CWF19L2: variants seen among roughly 807,000 people sequenced by gnomAD.
CWF19L2 encodes the protein CWF19 like cell cycle control factor 2.
Under a neutral mutation model 111.7 loss-of-function variants are expected in CWF19L2, and 98 were observed. The ratio of observed to expected loss-of-function variants is 0.88; its 90% CI spans 0.75 to 1.04. CWF19L2 has a LOEUF of 1.04. Ranked by LOEUF, CWF19L2 falls within the 50% of genes least tolerant of loss-of-function variation. CWF19L2 has a pLI of 0.00. For synonymous variants in CWF19L2, 351 were observed against 342.9 expected, an observed-to-expected ratio of 1.02 and a Z score of -0.26; for missense variants, 1,101 against 1,051.4, an observed-to-expected ratio of 1.05 and a Z score of -0.65.
At chr11:107,356,112 G>C (rs143440132) in intron 12 of CWF19L2, among the ~76,000 whole-genome samples, 252 of 152,084 alleles carry the variant, frequency 1.7e-3, no homozygotes, top group Non-Finnish European at 2.6e-3. Context: ...CACATACCTG[G>C]TATTGTGCAC....
chr11:107,412,515 A>G (rs1861171668), intron 10 of CWF19L2, among the ~76,000 whole-genome samples: 1 of 152,038 alleles, frequency 6.6e-6, no homozygotes, highest in Non-Finnish European at 1.5e-5. Context: ...TAATTTTTGT[A>G]TTTTTAGTAG....
chr11:107,457,661 C>T, intron 1 of CWF19L2, 51 bp downstream of exon 1: 1 of 1,375,258 alleles, frequency 7.3e-7, no homozygotes, highest in Admixed American at 2.0e-5. Flanking sequence ...TTACGGGAAC[C>T]CTCAACTCCC....
chr11:107,430,943 T>C (rs1417626056), intron 7 of CWF19L2, among the ~76,000 whole-genome samples: 1 of 151,834 alleles, frequency 6.6e-6, no homozygotes, highest in Non-Finnish European at 1.5e-5. Flanking sequence ...CTAGTAATTA[T>C]TTCCCCATGC....
intron 12 of CWF19L2, among the ~76,000 whole-genome samples, chr11:107,365,576 C>T (rs1173953190): frequency 2.0e-5 from 2 of 100,558 alleles, no homozygotes; most frequent in East Asian, 5.4e-4. Flanking sequence ...ACAAAAACCA[C>T]ATGATTCTCT....
intron 6 of CWF19L2, among the ~76,000 whole-genome samples, chr11:107,434,805 C>T (rs902264139): frequency 6.6e-6 from 1 of 151,818 alleles, no homozygotes; most frequent in Non-Finnish European, 1.5e-5. Flanking sequence ...ATAATGGTTA[C>T]CCTTCTGGTG....
intron 5 of CWF19L2, among the ~76,000 whole-genome samples, chr11:107,440,577 A>G (rs1591206425): frequency 1.3e-5 from 2 of 152,308 alleles, no homozygotes; most frequent in South Asian, 4.1e-4. Flanking sequence ...AAATATACAC[A>G]TAAGATACTC....
chr11:107,349,087 T>C (rs776519893), intron 13 of CWF19L2, 34 bp from the exon 14 acceptor site: 6 of 1,105,640 alleles, frequency 5.4e-6, no homozygotes, highest in East Asian at 5.1e-5. Flanking sequence ...TGAAATGTTA[T>C]TGTTATTTAT....
At chr11:107,332,507 A>C (rs994546177) in intron 16 of CWF19L2, among the ~76,000 whole-genome samples, 1 of 151,828 alleles carries the variant, frequency 6.6e-6, no homozygotes, top group African/African-American at 2.4e-5. Flanking sequence ...AATGGATTAC[A>C]TATACGTGAA....
At chr11:107,361,193 C>T (rs1051901375) in intron 12 of CWF19L2, among the ~76,000 whole-genome samples, 2 of 152,208 alleles carry the variant, frequency 1.3e-5, no homozygotes, top group African/African-American at 4.8e-5. Context: ...TTTCCCAGCA[C>T]CATTTACTGA....
At chr11:107,348,353 T>A (rs1591154778) in intron 14 of CWF19L2, among the ~76,000 whole-genome samples, 1 of 152,282 alleles carries the variant, frequency 6.6e-6, no homozygotes, top group East Asian at 1.9e-4. Flanking sequence ...TTGAAATAAT[T>A]CAGCAACAAT....
chr11:107,361,904 C>T (rs112002780), intron 12 of CWF19L2, among the ~76,000 whole-genome samples: 2,670 of 152,268 alleles, frequency 0.018, 59 homozygotes, highest in African/African-American at 0.06. Context: ...GCATTTCCAT[C>T]TGAGGTACCG....
rs1318842966 is a variant in CWF19L2, at chr11:107,429,008, G to A, written c.1224C>T (p.Pro408=). The A allele has an allele frequency of 5.0e-6, 8 of 1,613,582 alleles. No homozygotes were observed. In the Admixed American group the frequency reaches 1.0e-4, roughly 20 times the overall value. The part of the protein sequence containing the change: ...QGSLCSGFRK[P]TKNSEERLTS... The stretch of plus-strand genomic sequence containing the variant: ...TTAATCTTTCTTCACTGTTCTTGGT[G>A]GGTTTTCTAAAACCACTACACAAAG... Residue 408 remains proline, a synonymous_variant, in exon 8 of 18, where the codon CCC becomes CCT. Transcript: ENST00000282251.
At chr11:107,428,758 C>T (rs753340080) in intron 8 of CWF19L2, 41 bp downstream of exon 8, 1 of 1,460,510 alleles carries the variant, frequency 6.8e-7, no homozygotes, top group South Asian at 1.3e-5. Flanking sequence ...TCTTTGAACT[C>T]TCTGGATCTT....
At chr11:107,417,782 A>T (rs953612800) in intron 9 of CWF19L2, among the ~76,000 whole-genome samples, 2 of 149,792 alleles carry the variant, frequency 1.3e-5, no homozygotes, top group African/African-American at 4.9e-5. Context: ...TTTGAGACAC[A>T]GTCTCGCTTC....
At chr11:107,355,734 A>G (rs534262397) in intron 12 of CWF19L2, among the ~76,000 whole-genome samples, 5 of 152,362 alleles carry the variant, frequency 3.3e-5, no homozygotes, top group South Asian at 2.1e-4. Context: ...TTCAAAATGC[A>G]TAACAAAAAA....
intron 14 of CWF19L2, among the ~76,000 whole-genome samples, chr11:107,338,827 A>G (rs1044798558): frequency 1.3e-5 from 2 of 152,128 alleles, no homozygotes; most frequent in Admixed American, 1.3e-4. Context: ...ATTGATGGGC[A>G]TTTAGGTTGA....
At position 107,402,881 on chromosome 11, in the gene CWF19L2, A is replaced by G. The variant is rs1211275897; in HGVS notation, c.1618-9986T>C. 1.5e-3 allele frequency among the ~76,000 whole-genome samples: 87 copies of G among 58,882 alleles called. 2 individuals carry two copies. The highest frequency in any genetic ancestry group is 8.7e-3 in the East Asian group (20 of 2,302). 38.6% of individuals were successfully genotyped at this position (58,882 alleles called of 152,430 possible). A position where few individuals can be genotyped will look rare whatever the true frequency, so the allele number is the denominator to read the frequency against. ...TAAACAAACTGTGGTGTGTATATAT[A>G]TATATATATATATATATATATAATG... On this transcript the variant is annotated intron_variant, in intron 10 of 17. Transcript: ENST00000282251.
At chr11:107,445,757 G>A (rs943654035) in intron 3 of CWF19L2, among the ~76,000 whole-genome samples, 1 of 151,936 alleles carries the variant, frequency 6.6e-6, no homozygotes, top group Non-Finnish European at 1.5e-5. Context: ...GTAATATAAA[G>A]GGAACATCTG....
At chr11:107,413,232 T>C (rs1591190483) in intron 10 of CWF19L2, among the ~76,000 whole-genome samples, 2 of 152,096 alleles carry the variant, frequency 1.3e-5, no homozygotes, top group South Asian at 4.1e-4. Flanking sequence ...GGGCAGGAAG[T>C]GTATGGGAAA....
Sources: allele counts gnomAD v4.1 joint callset (sites outside exome capture counted in the v4.1 genomes callset), GRCh38; gene constraint gnomAD v4.1.1; transcripts MANE v1.5; gene names NCBI Gene and HGNC (gene_info 2026-07-23, HGNC 2026-07-21).